C18orf54: variants seen among roughly 807,000 people sequenced by gnomAD.
The protein encoded by C18orf54 is lung adenoma susceptibility protein 2.
Under a neutral mutation model 49.3 loss-of-function variants are expected in C18orf54, and 49 were observed. The observed-to-expected ratio is 0.99, with a 90% confidence interval of 0.79 to 1.26. The LOEUF (loss-of-function observed/expected upper bound fraction) is 1.26, where lower values mean the gene tolerates loss of function less well. Ranked by LOEUF, C18orf54 falls within the 50% of genes most tolerant of loss-of-function variation. The probability of loss-of-function intolerance (pLI) is 0.00; values close to 1 mark genes in which losing one functional copy is unlikely to be tolerated. For synonymous variants in C18orf54, 211 were observed against 216.6 expected, an observed-to-expected ratio of 0.97 and a Z score of 0.23; for missense variants, 687 against 620.6, an observed-to-expected ratio of 1.11 and a Z score of -1.14.
chr18:54,362,720 C>T (rs1187865204), intron 4 of C18orf54, 51 bp from the exon 5 acceptor site: 1 of 1,503,970 alleles, frequency 6.6e-7, no homozygotes, highest in East Asian at 2.3e-5. Context: ...TTTTGCTATG[C>T]TTTACATTAA....
At chr18:54,368,794 A>G (rs772208851) in intron 6 of C18orf54, among the ~76,000 whole-genome samples, 23 of 152,028 alleles carry the variant, frequency 1.5e-4, no homozygotes, top group Non-Finnish European at 2.1e-4. Flanking sequence ...TTCTATATTT[A>G]TTAACTGAAA....
chr18:54,365,038 C>T (rs993900299), intron 5 of C18orf54, among the ~76,000 whole-genome samples: 2 of 151,808 alleles, frequency 1.3e-5, no homozygotes, highest in East Asian at 1.9e-4. Context: ...TCTACTACCC[C>T]GTGAATATCA....
Position 54,360,100 on chromosome 18 carries a change from C to T in C18orf54, c.-46-427C>T, listed in dbSNP as rs529100376. Among the ~76,000 whole-genome samples the T allele has an allele frequency of 7.2e-5, 11 of 152,048 alleles. 1 individual carries two copies. The highest frequency in any genetic ancestry group is 2.2e-4 in the African/African-American group (9 of 41,478). On this transcript the variant is annotated intron_variant, in intron 2 of 8. Coordinates refer to ENST00000620105, the MANE Select transcript of C18orf54 (RefSeq NM_001288980.2). Reference sequence around the variant, plus strand: ...TGATGGCTTTAAAAAATTTATTGAGCGCTATTATCTGCAGCACATGGTAGT... The same window carrying T: ...TGATGGCTTTAAAAAATTTATTGAGTGCTATTATCTGCAGCACATGGTAGT...
intron 6 of C18orf54, among the ~76,000 whole-genome samples, chr18:54,372,191 G>A (rs2089497670): frequency 6.6e-6 from 1 of 151,934 alleles, no homozygotes; most frequent in Non-Finnish European, 1.5e-5. Flanking sequence ...AAATTAATTT[G>A]TCATAAATAT....
In C18orf54 at chr18:54,372,559, C is replaced by T; in HGVS notation, c.1420C>T (p.Gln474Ter). Reference sequence around the variant, plus strand: ...TCAAGCAGTACAAGAACGTTTTAATCAAAATAAGACCACAGATCCAAAAGA... The same window carrying T: ...TCAAGCAGTACAAGAACGTTTTAATTAAAATAAGACCACAGATCCAAAAGA... ...NLQAVQERFN[Q>*]NKTTDPKEEI... Residue 474 changes from glutamine (Q) to a stop codon, truncating the protein, a stop_gained, in exon 7 of 9, where the codon CAA becomes TAA. Transcript: ENST00000620105. LOFTEE classifies it high-confidence loss of function. 6.2e-7 allele frequency: 1 copy of T among 1,608,732 alleles called. No homozygotes were observed. The highest frequency in any genetic ancestry group is 1.1e-5 in the South Asian group (1 of 89,918).
At chr18:54,367,090 T>C (rs1000032266) in intron 6 of C18orf54, among the ~76,000 whole-genome samples, 3 of 152,072 alleles carry the variant, frequency 2.0e-5, no homozygotes, top group Non-Finnish European at 2.9e-5. Flanking sequence ...AGTTGGACAA[T>C]GTTATTTTTA....
intron 8 of C18orf54, among the ~76,000 whole-genome samples, chr18:54,376,839 A>G (rs1331864954): frequency 6.6e-6 from 1 of 152,174 alleles, no homozygotes; most frequent in East Asian, 1.9e-4. Context: ...GCAGTAAATA[A>G]TGCTACTAGT....
rs939672036 is a variant in C18orf54, at chr18:54,381,384, C to T, written c.*3138C>T. ...AGCAACTTTTATCCACCCTTCAGGACCTTCACTGGGACTAGTTCATTCATT... is the reference window on the plus strand; with the variant it reads ...AGCAACTTTTATCCACCCTTCAGGATCTTCACTGGGACTAGTTCATTCATT... On this transcript the variant is annotated 3_prime_UTR_variant, in exon 9 of 9. Coordinates refer to ENST00000620105, the MANE Select transcript of C18orf54 (RefSeq NM_001288980.2). 8 of 152,174 alleles carry T rather than the reference C, an allele frequency of 5.3e-5. No individual in the cohort carries two copies. Among genetic ancestry groups the T allele is most frequent in the African/African-American group, 1.9e-4 (8 of 41,436 alleles). 9.4% of individuals were successfully genotyped at this position (152,174 alleles called of 1,614,324 possible). A position where few individuals can be genotyped will look rare whatever the true frequency, so the allele number is the denominator to read the frequency against.
intron 8 of C18orf54, among the ~76,000 whole-genome samples, chr18:54,377,405 T>G (rs2144758416): frequency 6.6e-6 from 1 of 152,282 alleles, no homozygotes; most frequent in South Asian, 2.1e-4. Context: ...CTTAATATCC[T>G]TCTTATTTAT....
chr18:54,359,092 T>C (rs2089208297), intron 2 of C18orf54, among the ~76,000 whole-genome samples: 1 of 152,204 alleles, frequency 6.6e-6, no homozygotes, highest in Admixed American at 6.5e-5. Flanking sequence ...GAAACTTAAA[T>C]TGTGCATTTT....
intron 2 of C18orf54, among the ~76,000 whole-genome samples, chr18:54,359,710 G>A (rs530057035): frequency 2.6e-5 from 4 of 152,260 alleles, no homozygotes; most frequent in African/African-American, 7.2e-5. Flanking sequence ...CTGAATTAGT[G>A]CCGGTTCGTT....
intron 1 of C18orf54, 108 bp from the exon 2 acceptor site, chr18:54,358,666 C>T (rs573109440): frequency 1.3e-5 from 2 of 152,384 alleles, no homozygotes; most frequent in African/African-American, 4.8e-5. Context: ...CAAACGTTCC[C>T]TTTCCTAACT....
chr18:54,372,811 C>T (rs973247843), intron 7 of C18orf54, among the ~76,000 whole-genome samples: 8 of 151,606 alleles, frequency 5.3e-5, no homozygotes, highest in Non-Finnish European at 1.0e-4. Context: ...ACAGATTGTT[C>T]TATTATGGTT....
In C18orf54 at chr18:54,365,727, C is replaced by G. The variant is rs760646263; in HGVS notation, c.1232C>G (p.Pro411Arg). ...WENIPVTFKS[P>R]VPVNSDDSPQ... ...CTTTAAATCCTGTTTAGCAAATCTC[C>G]TGTTCCCGTTAACTCTGATGATAGT... The change falls in exon 6 of 9, where the codon CCT becomes CGT. Residue 411 changes from proline to arginine, a missense_variant. Coordinates refer to ENST00000620105, the MANE Select transcript of C18orf54 (RefSeq NM_001288980.2). 13 of 1,586,818 alleles carry G rather than the reference C, an allele frequency of 8.2e-6. No individual in the cohort carries two copies. The highest frequency in any genetic ancestry group is 1.1e-5 in the Non-Finnish European group (13 of 1,161,408).
chr18:54,360,119 T>C (rs1230397027), intron 2 of C18orf54, among the ~76,000 whole-genome samples: 1 of 152,186 alleles, frequency 6.6e-6, no homozygotes, highest in Non-Finnish European at 1.5e-5. Context: ...CTGCAGCACA[T>C]GGTAGTAGGC....
intron 6 of C18orf54, among the ~76,000 whole-genome samples, chr18:54,366,498 T>C (rs1468510313): frequency 3.3e-5 from 5 of 152,094 alleles, no homozygotes; most frequent in African/African-American, 9.6e-5. Flanking sequence ...TTCTGTTGTC[T>C]ATATATGTCA....
intron 7 of C18orf54, among the ~76,000 whole-genome samples, chr18:54,373,503 C>T (rs969192959): frequency 2.0e-5 from 3 of 151,794 alleles, no homozygotes; most frequent in African/African-American, 4.8e-5. Flanking sequence ...TTATTCTTCT[C>T]GCCTAACTAA....
chr18:54,377,107 G>T (rs537195417), intron 8 of C18orf54, among the ~76,000 whole-genome samples: 3 of 152,122 alleles, frequency 2.0e-5, no homozygotes, highest in African/African-American at 7.2e-5. Context: ...GCGATCATGG[G>T]TCACTGCAGT....
chr18:54,359,778 A>G (rs1046959227), intron 2 of C18orf54, among the ~76,000 whole-genome samples: 4 of 152,174 alleles, frequency 2.6e-5, no homozygotes, highest in African/African-American at 9.6e-5. Flanking sequence ...GTAGACAGGG[A>G]TTCTCTCAAT....
Sources: allele counts gnomAD v4.1 joint callset (sites outside exome capture counted in the v4.1 genomes callset), GRCh38; gene constraint gnomAD v4.1.1; transcripts MANE v1.5; gene names NCBI Gene and HGNC (gene_info 2026-07-23, HGNC 2026-07-21).